Variants in RAP1GAP2 observed in about 807,000 individuals in gnomAD.
RAP1GAP2 encodes the protein RAP1 GTPase activating protein 2.
A neutral mutation model predicts 95.0 loss-of-function variants in RAP1GAP2; 27 were observed. That is an observed-to-expected ratio of 0.28 (90% CI 0.21 to 0.39). The LOEUF (loss-of-function observed/expected upper bound fraction) is 0.39, where lower values mean the gene tolerates loss of function less well. Ranked by LOEUF, RAP1GAP2 falls within the 10% of genes least tolerant of loss-of-function variation. RAP1GAP2 has a pLI of 1.00. For missense variants in RAP1GAP2, 771 were observed against 970.0 expected (o/e 0.79, Z 2.72); for synonymous variants, 373 against 380.9 (o/e 0.98, Z 0.24).
rs768061832 is a variant in RAP1GAP2, at chr17:2,998,209, CT to C, written c.1045-7del. The C allele has an allele frequency of 6.2e-7, 1 of 1,612,814 alleles. No homozygotes were observed. Among genetic ancestry groups the C allele is most frequent in the South Asian group, 1.1e-5 (1 of 91,062 alleles). On this transcript the variant is annotated splice_polypyrimidine_tract_variant and intron_variant, in intron 13 of 24. Coordinates refer to ENST00000254695, the MANE Select transcript of RAP1GAP2 (RefSeq NM_015085.5). Reference sequence around the variant, plus strand: ...CTAACTGGCTTATAACCTCTCAACACTTTTTATTTAGCTCCAGAGAAAGAGA... The same window carrying C: ...CTAACTGGCTTATAACCTCTCAACACTTTTATTTAGCTCCAGAGAAAGAGA...
intron 2 of RAP1GAP2, among the ~76,000 whole-genome samples, chr17:2,835,543 G>A (rs181898838): frequency 6.6e-6 from 1 of 152,280 alleles, no homozygotes; most frequent in Non-Finnish European, 1.5e-5. Flanking sequence ...CTCATTGTCC[G>A]TGGTTGTCAC....
At chr17:2,889,889 A>ATATATATATATATT (rs1408426152) in intron 2 of RAP1GAP2, among the ~76,000 whole-genome samples, 14 of 57,312 alleles carry the variant, frequency 2.4e-4, no homozygotes, top group South Asian at 7.8e-4. Flanking sequence ...ATATATATAT[A>ATATATATATATATT]TTTTTTTTTT....
Position 2,965,419 on chromosome 17 carries a change from C to T in RAP1GAP2, c.493-121C>T. 3 of 743,886 alleles carry T rather than the reference C, an allele frequency of 4.0e-6. No homozygotes were observed. The highest frequency in any genetic ancestry group is 1.8e-5 in the African/African-American group (1 of 57,016). The allele number at this position is 743,886 out of a possible 1,614,324, so 46.1% of individuals were successfully genotyped here. Reference sequence around the variant, plus strand: ...CTGTTAATGTCGTTGTCATTGTCATCAGTAGCATCCTTCTCTTCCTTGTTG... The same window carrying T: ...CTGTTAATGTCGTTGTCATTGTCATTAGTAGCATCCTTCTCTTCCTTGTTG... On this transcript the variant is annotated intron_variant, in intron 7 of 24. Coordinates refer to ENST00000254695, the MANE Select transcript of RAP1GAP2 (RefSeq NM_015085.5). The surrounding 1 kb of genome is among the most constrained non-coding windows in gnomAD (Gnocchi z 4.7).
chr17:2,904,372 T>G lies in RAP1GAP2; in HGVS notation c.81-912T>G, dbSNP rs934776327. 6.6e-6 allele frequency among the ~76,000 whole-genome samples: 1 copy of G among 152,110 alleles called. No homozygotes were observed. The highest frequency in any genetic ancestry group is 6.5e-5 in the Admixed American group (1 of 15,274). ...AGGGCCAGATGGAAAGTGGGGAGTGTGTGAGCGCGGCAAACTTGTCGCAGT... is the reference window on the plus strand; with the variant it reads ...AGGGCCAGATGGAAAGTGGGGAGTGGGTGAGCGCGGCAAACTTGTCGCAGT... On this transcript the variant is annotated intron_variant, in intron 2 of 24. Transcript: ENST00000254695. This position sits in a 1 kb window ranked among gnomAD's most constrained non-coding sequence, Gnocchi z 4.7.
At chr17:3,012,075 A>C (rs1567894141) in intron 17 of RAP1GAP2, among the ~76,000 whole-genome samples, 1 of 152,140 alleles carries the variant, frequency 6.6e-6, no homozygotes, top group African/African-American at 2.4e-5. Context: ...CAGGCCTGCC[A>C]TTGCCCTGTG....
At chr17:3,007,884 C>CCA (rs1231353603) in intron 16 of RAP1GAP2, 127 bp from the exon 17 acceptor site, 3 of 1,163,558 alleles carry the variant, frequency 2.6e-6, no homozygotes, top group Non-Finnish European at 3.6e-6. Context: ...AGCAGTAGGT[C>CCA]CACACCGTTG....
rs899253464 is a variant in RAP1GAP2 at position 2,870,667 on chromosome 17, G to A, written c.81-34617G>A. Among the ~76,000 whole-genome samples the A allele has an allele frequency of 6.6e-6, 1 of 152,040 alleles. No individual in the cohort carries two copies. Among genetic ancestry groups the A allele is most frequent in the Non-Finnish European group, 1.5e-5 (1 of 68,020 alleles). On this transcript the variant is annotated intron_variant, in intron 2 of 24. Coordinates refer to ENST00000254695, the MANE Select transcript of RAP1GAP2 (RefSeq NM_015085.5). This position sits in a 1 kb window ranked among gnomAD's most constrained non-coding sequence, Gnocchi z 4.4. ...TGTTTCTCTGTATTGTAACAAAGGC[G>A]GGATTATACTTTAGGTACAGTACAT...
At chr17:2,772,151 A>T (rs1338635968), upstream of RAP1GAP2, among the ~76,000 whole-genome samples, 1 of 151,928 alleles carries the variant, frequency 6.6e-6, no homozygotes, top group Non-Finnish European at 1.5e-5. Context: ...CACCACGCCC[A>T]GCTAATTTTT....
intron 1 of RAP1GAP2, among the ~76,000 whole-genome samples, chr17:2,789,731 G>A (rs2068875882): frequency 1.4e-5 from 2 of 139,680 alleles, no homozygotes; most frequent in Non-Finnish European, 3.0e-5. Context: ...GCAGTGAGCC[G>A]AGATTGCACC....
At chr17:2,881,733 A>C (rs2073300784) in intron 2 of RAP1GAP2, among the ~76,000 whole-genome samples, 1 of 152,026 alleles carries the variant, frequency 6.6e-6, no homozygotes, top group African/African-American at 2.4e-5. Flanking sequence ...GTTTCTCTGC[A>C]TTCTTGATAA....
At chr17:2,876,098 C>T (rs748423846) in intron 2 of RAP1GAP2, among the ~76,000 whole-genome samples, 19 of 151,758 alleles carry the variant, frequency 1.3e-4, no homozygotes, top group Non-Finnish European at 2.4e-4. Flanking sequence ...CCCCCACGCC[C>T]GGCTAATTTT....
rs1322370442 is a variant in RAP1GAP2, at chr17:2,904,145, C to T, written c.81-1139C>T. Among the ~76,000 whole-genome samples, 1 of 152,148 alleles carries T rather than the reference C, an allele frequency of 6.6e-6. No individual in the cohort carries two copies. Among genetic ancestry groups the T allele is most frequent in the Admixed American group, 6.6e-5 (1 of 15,264 alleles). Reference sequence around the variant, plus strand: ...GACGGCTCAGCCCGGCCCTCTTCGGCTTTTAATACGGTTCTCCCAGCCCCC... The same window carrying T: ...GACGGCTCAGCCCGGCCCTCTTCGGTTTTTAATACGGTTCTCCCAGCCCCC... On this transcript the variant is annotated intron_variant, in intron 2 of 24. Coordinates refer to ENST00000254695, the MANE Select transcript of RAP1GAP2 (RefSeq NM_015085.5). The surrounding 1 kb of genome is among the most constrained non-coding windows in gnomAD (Gnocchi z 4.7).
Position 2,807,148 on chromosome 17 carries a change from C to T in RAP1GAP2, c.80+6598C>T, listed in dbSNP as rs188847011. ...CCGACCTCAGGTGATCCGCCTGCCT[C>T]GGCCTCTCAAAGTGCTGGGATTACA... On this transcript the variant is annotated intron_variant, in intron 2 of 24. Coordinates refer to ENST00000254695, the MANE Select transcript of RAP1GAP2 (RefSeq NM_015085.5). Among the ~76,000 whole-genome samples, 371 of 152,364 alleles carry T rather than the reference C, an allele frequency of 2.4e-3. 1 individual carries two copies. The highest frequency in any genetic ancestry group is 8.5e-3 in the African/African-American group (353 of 41,590).
chr17:2,956,214 T>C (rs949119778), intron 3 of RAP1GAP2, among the ~76,000 whole-genome samples: 15 of 152,228 alleles, frequency 9.9e-5, no homozygotes, highest in Non-Finnish European at 2.1e-4. Context: ...GTTTGGCGGC[T>C]CACTTCTGGT....
At chr17:2,800,403 C>A in intron 1 of RAP1GAP2, 112 bp from the exon 2 acceptor site, 1 of 1,413,050 alleles carries the variant, frequency 7.1e-7, no homozygotes, top group Non-Finnish European at 9.7e-7. Context: ...CAGTCCCTGA[C>A]AGAGCCCTGC....
Position 2,993,589 on chromosome 17 carries a change from TAAATA to T in RAP1GAP2, c.915-1745_915-1741del, listed in dbSNP as rs2045852479. 2.0e-5 allele frequency among the ~76,000 whole-genome samples: 3 copies of T among 147,138 alleles called. No individual in the cohort carries two copies. The South Asian group carries it at 6.4e-4, about 31-fold the overall frequency. On this transcript the variant is annotated intron_variant, in intron 12 of 24. Coordinates refer to ENST00000254695, the MANE Select transcript of RAP1GAP2 (RefSeq NM_015085.5). Reference sequence around the variant, plus strand: ...CTCTGTCTAAAAAAAAAAAAATAAATAAATAAATAAAAAATAAAAGATAAGATAAT... The same window carrying T: ...CTCTGTCTAAAAAAAAAAAAATAAATAATAAAAAATAAAAGATAAGATAAT...
chr17:3,016,718 C>T lies in RAP1GAP2; in HGVS notation c.1495-1343C>T, dbSNP rs561066396. On this transcript the variant is annotated intron_variant, in intron 17 of 24. Transcript: ENST00000254695. Reference sequence around the variant, plus strand: ...AGTAGCCACACTTATCAGATCATTACGATGTGCTGGGCTGTCTCCTCAGAG... The same window carrying T: ...AGTAGCCACACTTATCAGATCATTATGATGTGCTGGGCTGTCTCCTCAGAG... 2.1e-5 allele frequency among the ~76,000 whole-genome samples: 3 copies of T among 145,440 alleles called. No homozygotes were observed. The East Asian group carries it at 5.8e-4, about 28-fold the overall frequency.
Position 2,961,341 on chromosome 17 carries a change from C to T in RAP1GAP2, c.202-1329C>T, listed in dbSNP as rs151129411. Among the ~76,000 whole-genome samples the T allele has an allele frequency of 5.0e-3, 757 of 152,276 alleles. 1 individual carries two copies. Among genetic ancestry groups the T allele is most frequent in the African/African-American group, 0.017 (725 of 41,548 alleles). ...ACCAGCCTGGCCAACATGGTGAAAC[C>T]TCGTCTCTACTAAAAATACAAACAT... On this transcript the variant is annotated intron_variant, in intron 4 of 24. Coordinates refer to ENST00000254695, the MANE Select transcript of RAP1GAP2 (RefSeq NM_015085.5).
intron 2 of RAP1GAP2, chr17:2,853,965 G>C (rs1409183272): frequency 1.0e-6 from 1 of 983,492 alleles, no homozygotes; most frequent in African/African-American, 1.8e-5. Flanking sequence ...GACGCGGGCG[G>C]GCGAGGTCGG....
Sources: gnomAD v4.1 joint callset for allele counts (sites outside exome capture counted in the v4.1 genomes callset) on GRCh38, gnomAD v4.1.1 for gene constraint, Gnocchi (gnomAD v3.1) non-coding constraint, MANE v1.5 for transcripts, NCBI Gene and HGNC (gene_info 2026-07-23, HGNC 2026-07-21) for gene names.